RAD23B: variants seen among roughly 807,000 people sequenced by gnomAD.
The protein encoded by RAD23B is lysine-specific demethylase RAD23B.
Under a neutral mutation model 49.1 loss-of-function variants are expected in RAD23B, and 5 were observed. The ratio of observed to expected loss-of-function variants is 0.10; its 90% CI spans 0.05 to 0.21. The LOEUF is 0.21. Ranked by LOEUF, RAD23B falls within the 10% of genes least tolerant of loss-of-function variation. The probability of loss-of-function intolerance (pLI) is 1.00; values close to 1 mark genes in which losing one functional copy is unlikely to be tolerated. For missense variants in RAD23B, 356 were observed against 486.7 expected, an observed-to-expected ratio of 0.73 and a Z score of 2.53; for synonymous variants, 184 against 165.4, an observed-to-expected ratio of 1.11 and a Z score of -0.86.
chr9:107,297,255 G>A (rs1826546211), intron 1 of RAD23B, among the ~76,000 whole-genome samples: 1 of 151,748 alleles, frequency 6.6e-6, no homozygotes, highest in Non-Finnish European at 1.5e-5. Context: ...CATTTTTAGT[G>A]TTTAGTCTAC....
rs371951831 is a variant in RAD23B, at chr9:107,302,004, T to C, written c.149-31T>C. On this transcript the variant is annotated intron_variant, in intron 2 of 9. Coordinates refer to ENST00000358015, the MANE Select transcript of RAD23B (RefSeq NM_002874.5). ...GAAGTGTAAGAGAAAGATTATGCCT[T>C]AAATGATTTTTTTTTCTCTTAATGT... The C allele has an allele frequency of 2.5e-6, 4 of 1,605,896 alleles. No individual in the cohort carries two copies. The African/African-American group carries it at 4.0e-5, about 16-fold the overall frequency.
intron 2 of RAD23B, among the ~76,000 whole-genome samples, chr9:107,301,480 T>G (rs1826651661): frequency 6.6e-6 from 1 of 152,232 alleles, no homozygotes; most frequent in Non-Finnish European, 1.5e-5. Context: ...TTGTAAAAAT[T>G]GATTGTCATT....
At position 107,322,095 on chromosome 9, in the gene RAD23B, C is replaced by G. The variant is rs985132401; in HGVS notation, c.794C>G (p.Thr265Arg). The change falls in exon 7 of 10, where the codon ACA (threonine) becomes AGA (arginine). Residue 265 changes from threonine (T) to arginine (R), a missense_variant. Coordinates refer to ENST00000358015, the MANE Select transcript of RAD23B (RefSeq NM_002874.5). The stretch of plus-strand genomic sequence containing the variant: ...GCAGCTGCAGCAACTACGACAGCAA[C>G]AACTACAACAACAAGTTCTGGAGGT... ...VAAAAATTTA[T>R]TTTTSSGGHP... The G allele has an allele frequency of 9.9e-6, 16 of 1,608,336 alleles. No individual in the cohort carries two copies. The highest frequency in any genetic ancestry group is 1.4e-5 in the Non-Finnish European group (16 of 1,177,330).
chr9:107,286,802 G>C (rs1159126757), intron 1 of RAD23B, among the ~76,000 whole-genome samples: 2 of 152,142 alleles, frequency 1.3e-5, no homozygotes, highest in African/African-American at 4.8e-5. Context: ...GCTGGGTGTG[G>C]TGGCTCATGC....
At chr9:107,285,275 G>C (rs1833253493) in intron 1 of RAD23B, among the ~76,000 whole-genome samples, 1 of 152,198 alleles carries the variant, frequency 6.6e-6, no homozygotes, top group African/African-American at 2.4e-5. Context: ...ATAAGTTGAA[G>C]GGTGAAAGTT....
chr9:107,311,232 C>T (rs1199173157), intron 4 of RAD23B, among the ~76,000 whole-genome samples: 2 of 152,108 alleles, frequency 1.3e-5, no homozygotes, highest in East Asian at 3.8e-4. Context: ...TCAGAACTTA[C>T]CTATAAGACT....
At chr9:107,322,496 T>G (rs1290929236) in intron 7 of RAD23B, among the ~76,000 whole-genome samples, 1 of 152,206 alleles carries the variant, frequency 6.6e-6, no homozygotes, top group Non-Finnish European at 1.5e-5. Context: ...GCCAGCAGGA[T>G]TTTAGTAATT....
chr9:107,312,394 C>T (rs1826905997), intron 5 of RAD23B, among the ~76,000 whole-genome samples: 1 of 152,108 alleles, frequency 6.6e-6, no homozygotes, highest in African/African-American at 2.4e-5. Context: ...TAGGTAGAAA[C>T]AGCAGCTTTG....
At chr9:107,292,752 T>G (rs1217291863) in intron 1 of RAD23B, among the ~76,000 whole-genome samples, 1 of 149,318 alleles carries the variant, frequency 6.7e-6, no homozygotes, top group African/African-American at 2.5e-5. Flanking sequence ...AAATACCATC[T>G]CCCATATGAG....
chr9:107,326,715 G>A (rs1827214106), intron 9 of RAD23B, among the ~76,000 whole-genome samples: 2 of 125,560 alleles, frequency 1.6e-5, no homozygotes, highest in African/African-American at 5.9e-5. Context: ...CTCATTGCAA[G>A]CTCCACCTCC....
At chr9:107,292,903 A>G (rs1034870828) in intron 1 of RAD23B, among the ~76,000 whole-genome samples, 4 of 152,148 alleles carry the variant, frequency 2.6e-5, no homozygotes, top group South Asian at 2.1e-4. Context: ...CTGCATAACA[A>G]ATTACCCCAA....
At chr9:107,303,308 T>C (rs973362018) in intron 3 of RAD23B, among the ~76,000 whole-genome samples, 5 of 152,168 alleles carry the variant, frequency 3.3e-5, no homozygotes, top group African/African-American at 1.2e-4. Flanking sequence ...TTAATAGTAA[T>C]AGAAAATAGA....
Position 107,318,992 on chromosome 9 carries a change from TA to T in RAD23B, c.681+115del, listed in dbSNP as rs1220574083. The T allele has an allele frequency of 6.9e-6, 7 of 1,018,380 alleles. No individual in the cohort carries two copies. The highest frequency in any genetic ancestry group is 9.4e-6 in the Non-Finnish European group (7 of 747,436). 63.1% of individuals were successfully genotyped at this position (1,018,380 alleles called of 1,614,324 possible). ...ACTGATATATGCTAGATGATATACA[TA>T]ATGCTTTTTTTTTTCTAGTATGTTT... On this transcript the variant is annotated intron_variant, in intron 6 of 9. Coordinates refer to ENST00000358015, the MANE Select transcript of RAD23B (RefSeq NM_002874.5). This position sits in a 1 kb window ranked among gnomAD's most constrained non-coding sequence, Gnocchi z 4.3.
chr9:107,284,012 C>G (rs948300791), intron 1 of RAD23B: 1 of 1,076,090 alleles, frequency 9.3e-7, no homozygotes, highest in Non-Finnish European at 1.1e-6. Flanking sequence ...AGGTCCAGGC[C>G]GTCTCAGCCG....
chr9:107,322,693 G>C (rs903781760), intron 7 of RAD23B, among the ~76,000 whole-genome samples: 3 of 152,162 alleles, frequency 2.0e-5, no homozygotes, highest in Non-Finnish European at 2.9e-5. Context: ...TCCTTCGTTC[G>C]TTCTTCTGTA....
chr9:107,325,784 T>G (rs951477985), intron 9 of RAD23B, among the ~76,000 whole-genome samples: 2 of 152,186 alleles, frequency 1.3e-5, no homozygotes, highest in Non-Finnish European at 1.5e-5. Flanking sequence ...ATTATTAGAC[T>G]AGCAAGAACC....
Position 107,303,064 on chromosome 9 carries a change from T to A in RAD23B, c.228+950T>A, listed in dbSNP as rs545370528. On this transcript the variant is annotated intron_variant, in intron 3 of 9. Transcript: ENST00000358015. ...AGCAGAGAATGAACATGGATTTTTT[T>A]AAGAGACTATTTATATACTTGTTTA... is the stretch of plus-strand genomic sequence containing the variant. Among the ~76,000 whole-genome samples the A allele has an allele frequency of 3.9e-4, 60 of 152,326 alleles. 1 individual carries two copies. The highest frequency in any genetic ancestry group is 3.7e-3 in the South Asian group (18 of 4,830).
At chr9:107,298,713 CTTA>C (rs1361955627) in intron 1 of RAD23B, among the ~76,000 whole-genome samples, 2 of 151,282 alleles carry the variant, frequency 1.3e-5, no homozygotes, top group South Asian at 4.2e-4. Flanking sequence ...TAAATATAAA[CTTA>C]TTATAATAAA....
At chr9:107,317,691 A>G (rs1457871956) in intron 5 of RAD23B, among the ~76,000 whole-genome samples, 1 of 151,714 alleles carries the variant, frequency 6.6e-6, no homozygotes, top group Non-Finnish European at 1.5e-5. Flanking sequence ...GTGTGAGGCA[A>G]CAATAAAGGT....
Sources: allele counts gnomAD v4.1 joint callset (sites outside exome capture counted in the v4.1 genomes callset), GRCh38; gene constraint gnomAD v4.1.1; non-coding constraint Gnocchi (gnomAD v3.1); transcripts MANE v1.5; gene names NCBI Gene and HGNC (gene_info 2026-07-23, HGNC 2026-07-21).